PFKP: variants seen among roughly 807,000 people sequenced by gnomAD.
PFKP encodes phosphofructokinase, platelet.
Under a neutral mutation model 94.3 loss-of-function variants are expected in PFKP, and 101 were observed. The ratio of observed to expected loss-of-function variants is 1.07; its 90% CI spans 0.91 to 1.26. The LOEUF (loss-of-function observed/expected upper bound fraction) is 1.26. Among genes scored for constraint, PFKP ranks in the 50% most tolerant of loss-of-function variants. The pLI, the probability that PFKP is intolerant of heterozygous loss-of-function variation, is 0.00. For synonymous variants in PFKP, 573 were observed against 432.6 expected (o/e 1.32, Z -4.03); for missense variants, 1,145 against 1,103.3 (o/e 1.04, Z -0.53).
intron 10 of PFKP, among the ~76,000 whole-genome samples, chr10:3,110,997 AGT>A (rs763835504): frequency 5.0e-4 from 73 of 147,106 alleles, no homozygotes; most frequent in Non-Finnish European, 9.3e-4. Context: ...TGTACATTTG[AGT>A]GTGAGGTAGT....
In PFKP at chr10:3,093,191, A is replaced by ATT. The variant is rs35072017; in HGVS notation, c.187-6072_187-6071dup. ...GCCCTGACTTCTGGGACTGTGTCTG[A>ATT]TTTTTTTTTTTTTAAATCTCTGTCT... On this transcript the variant is annotated intron_variant, in intron 2 of 21. Transcript: ENST00000381125. Among the ~76,000 whole-genome samples, 74 of 147,272 alleles carry ATT rather than the reference A, an allele frequency of 5.0e-4. 1 individual carries two copies. The highest frequency in any genetic ancestry group is 3.8e-3 in the East Asian group (19 of 5,050).
At chr10:3,080,886 G>C (rs893129332) in intron 1 of PFKP, among the ~76,000 whole-genome samples, 2 of 152,156 alleles carry the variant, frequency 1.3e-5, no homozygotes, top group Admixed American at 6.5e-5. Flanking sequence ...GCAGCATTCA[G>C]CGCCAGAGAC....
Position 3,113,969 on chromosome 10 carries a change from T to C in PFKP, c.1371+451T>C, listed in dbSNP as rs138862627. On this transcript the variant is annotated intron_variant, in intron 13 of 21. Transcript: ENST00000381125. Reference sequence around the variant, plus strand: ...CCAGTTGTTCTGTGGGATTGACATGTGTTCACCCATTTAAGCCTCACACTA... The same window carrying C: ...CCAGTTGTTCTGTGGGATTGACATGCGTTCACCCATTTAAGCCTCACACTA... Among the ~76,000 whole-genome samples the C allele has an allele frequency of 3.4e-3, 522 of 152,280 alleles. 2 individuals are homozygous for C. The highest frequency in any genetic ancestry group is 0.012 in the African/African-American group (508 of 41,542).
intron 15 of PFKP, among the ~76,000 whole-genome samples, chr10:3,119,238 T>C (rs1303055223): frequency 6.6e-6 from 1 of 152,234 alleles, no homozygotes; most frequent in Non-Finnish European, 1.5e-5. Context: ...AATCACATAT[T>C]GGACTGTAGA....
At chr10:3,095,336 A>T (rs1171334399) in intron 2 of PFKP, among the ~76,000 whole-genome samples, 1 of 151,886 alleles carries the variant, frequency 6.6e-6, no homozygotes, top group African/African-American at 2.4e-5. Flanking sequence ...TACATATAGA[A>T]TGATCTCCTA....
intron 21 of PFKP, 145 bp downstream of exon 21, chr10:3,135,983 T>A (rs544981784): frequency 3.2e-6 from 2 of 615,624 alleles, no homozygotes; most frequent in East Asian, 2.8e-5. Flanking sequence ...TACTAGGTCT[T>A]GGCTGGGCGC....
At chr10:3,084,865 C>G (rs1431590777) in intron 2 of PFKP, among the ~76,000 whole-genome samples, 10 of 102,380 alleles carry the variant, frequency 9.8e-5, no homozygotes, top group African/African-American at 4.0e-4. Flanking sequence ...CCAGCACGGT[C>G]CCCCACTCCA....
At position 3,103,951 on chromosome 10, in the gene PFKP, C is replaced by T. The variant is rs373214698; in HGVS notation, c.620+7C>T. On this transcript the variant is annotated splice_region_variant and intron_variant, in intron 5 of 21. Transcript: ENST00000381125. ...TCATGACCACGGCCCAGAGGTAAAG[C>T]GCTCAGAGGAACCGGCGGGAGGCCA... is the stretch of plus-strand genomic sequence containing the variant. The T allele has an allele frequency of 8.0e-5, 129 of 1,612,570 alleles. No homozygotes were observed. The highest frequency in any genetic ancestry group is 1.6e-4 in the Middle Eastern group (1 of 6,082).
rs1345735413 is a variant in PFKP at position 3,120,005 on chromosome 10, C to T, written c.1644C>T (p.Phe548=). The change falls in exon 16 of 22, where the codon TTC becomes TTT. Residue 548 remains phenylalanine, a synonymous_variant. Coordinates refer to ENST00000381125, the MANE Select transcript of PFKP (RefSeq NM_002627.5). ...TVSNNVPGSD[F]SIGADTALNT... ...CCAACAATGTGCCGGGTTCCGATTT[C>T]AGCATCGGGGCAGACACCGCCCTGA... The T allele has an allele frequency of 1.9e-6, 3 of 1,614,156 alleles. No homozygotes were observed. The highest frequency in any genetic ancestry group is 2.2e-5 in the East Asian group (1 of 44,884).
At chr10:3,125,180 G>C (rs781309677) in intron 16 of PFKP, 3 of 1,349,466 alleles carry the variant, frequency 2.2e-6, no homozygotes, top group Non-Finnish European at 3.0e-6. Context: ...TGCCGGCCAC[G>C]ATTAGCAACA....
At chr10:3,079,666 G>GGA (rs1832886315) in intron 1 of PFKP, among the ~76,000 whole-genome samples, 1 of 122,102 alleles carries the variant, frequency 8.2e-6, no homozygotes, top group South Asian at 3.3e-4. Context: ...GCGGGGTGGG[G>GGA]GGGGGGGGAA....
intron 1 of PFKP, among the ~76,000 whole-genome samples, chr10:3,081,561 G>A (rs1833079460): frequency 6.6e-6 from 1 of 152,208 alleles, no homozygotes; most frequent in South Asian, 2.1e-4. Context: ...CGGCCCTCGT[G>A]CCTTTTCACT....
intron 17 of PFKP, among the ~76,000 whole-genome samples, chr10:3,131,935 A>G (rs1838635098): frequency 1.3e-5 from 2 of 152,148 alleles, no homozygotes; most frequent in African/African-American, 4.8e-5. Context: ...AAATCTGTGT[A>G]TGAATGTGAG....
chr10:3,069,336 G>C (rs1488342405), intron 1 of PFKP: 2 of 1,581,396 alleles, frequency 1.3e-6, no homozygotes, highest in East Asian at 2.3e-5. Flanking sequence ...AAACAGGAGA[G>C]TGAAGTGGAA....
At chr10:3,084,493 G>A (rs1290395254) in intron 2 of PFKP, among the ~76,000 whole-genome samples, 1 of 152,162 alleles carries the variant, frequency 6.6e-6, no homozygotes, top group Admixed American at 6.5e-5. Context: ...CGTGGTTATT[G>A]TTTGTATTTA....
At chr10:3,125,329 G>A (rs868347431) in intron 16 of PFKP, 14 of 997,944 alleles carry the variant, frequency 1.4e-5, no homozygotes, top group Middle Eastern at 5.3e-4. Context: ...AGGATGAGCC[G>A]GATTTATTCT....
rs1254712955 is a variant in PFKP at position 3,134,477 on chromosome 10, C to G, written c.2023-6C>G. ...TGGTATTTCATATAACTCTAACCACCAACAGGGTGGGGCACCCTCTCCATT... is the reference window on the plus strand; with the variant it reads ...TGGTATTTCATATAACTCTAACCACGAACAGGGTGGGGCACCCTCTCCATT... On this transcript the variant is annotated splice_polypyrimidine_tract_variant and splice_region_variant and intron_variant, in intron 19 of 21. Transcript: ENST00000381125. 5.1e-6 allele frequency: 8 copies of G among 1,575,780 alleles called. No homozygotes were observed. The African/African-American group carries it at 8.1e-5, about 16-fold the overall frequency.
intron 16 of PFKP, among the ~76,000 whole-genome samples, chr10:3,126,567 CT>C (rs1837971632): frequency 6.6e-6 from 1 of 152,236 alleles, no homozygotes; most frequent in South Asian, 2.1e-4. Context: ...CCCCCACCCC[CT>C]GTCCCGTCTG....
intron 16 of PFKP, chr10:3,125,389 A>C: frequency 1.9e-6 from 1 of 533,300 alleles, no homozygotes; most frequent in Non-Finnish European, 2.7e-6. Flanking sequence ...ACTGGCCAGA[A>C]CAGGGTAAAA....
Sources: gnomAD v4.1 joint callset for allele counts (sites outside exome capture counted in the v4.1 genomes callset) on GRCh38, gnomAD v4.1.1 for gene constraint, MANE v1.5 for transcripts, NCBI Gene and HGNC (gene_info 2026-07-23, HGNC 2026-07-21) for gene names.